DPP6: variants seen among roughly 807,000 people sequenced by gnomAD.
DPP6 encodes the protein dipeptidyl peptidase like 6, also known as A-type potassium channel modulatory protein DPP6.
A neutral mutation model predicts 122.6 loss-of-function variants in DPP6; 69 were observed. The ratio of observed to expected loss-of-function variants is 0.56; its 90% CI spans 0.46 to 0.69. The LOEUF is 0.69. Among genes scored for constraint, DPP6 ranks in the 30% least tolerant of loss-of-function variants. DPP6 has a pLI of 0.00. For synonymous variants in DPP6, 418 were observed against 433.1 expected, an observed-to-expected ratio of 0.97 and a Z score of 0.43; for missense variants, 928 against 1,116.9, an observed-to-expected ratio of 0.83 and a Z score of 2.41.
At chr7:154,452,926 A>G (rs1820513456) in intron 2 of DPP6, among the ~76,000 whole-genome samples, 1 of 152,234 alleles carries the variant, frequency 6.6e-6, no homozygotes. Flanking sequence ...CAATGTTGTC[A>G]TTCATATCTC....
chr7:153,899,317 G>T (rs1032306687), intron 1 of DPP6, among the ~76,000 whole-genome samples: 73 of 152,216 alleles, frequency 4.8e-4, no homozygotes, highest in African/African-American at 1.7e-3. Flanking sequence ...AGGAAGCTGA[G>T]CCCAGCTCCC....
chr7:154,855,325 C>G (rs1215683035), intron 17 of DPP6, among the ~76,000 whole-genome samples: 1 of 152,030 alleles, frequency 6.6e-6, no homozygotes, highest in African/African-American at 2.4e-5. Context: ...TTTTAAAGCC[C>G]CCACAAAAAG....
chr7:153,967,946 T>C (rs183338996), intron 1 of DPP6, among the ~76,000 whole-genome samples: 1 of 151,810 alleles, frequency 6.6e-6, no homozygotes, highest in Admixed American at 6.5e-5. Context: ...CCACATTTTC[T>C]TTATCCAGTT....
intron 1 of DPP6, among the ~76,000 whole-genome samples, chr7:153,952,387 T>C (rs375476514): frequency 6.6e-6 from 1 of 152,264 alleles, no homozygotes; most frequent in Non-Finnish European, 1.5e-5. Flanking sequence ...CAAAGCTATA[T>C]AGGCTGCTGA....
intron 1 of DPP6, among the ~76,000 whole-genome samples, chr7:153,946,768 C>T (rs1801968117): frequency 6.6e-6 from 1 of 152,076 alleles, no homozygotes; most frequent in Non-Finnish European, 1.5e-5. Context: ...ATGGGCACAC[C>T]AGGTGGGGAG....
At chr7:154,883,912 TCACA>T (rs1169570630) in intron 21 of DPP6, 1 of 115,222 alleles carries the variant, frequency 8.7e-6, no homozygotes, top group Non-Finnish European at 1.7e-5. Context: ...ATACACATGC[TCACA>T]CACGCTCACA....
Position 154,769,419 on chromosome 7 carries a change from G to A in DPP6, c.886G>A (p.Glu296Lys). The change falls in exon 9 of 26, where the codon GAG becomes AAG. Residue 296 changes from glutamate to lysine, a missense_variant and splice_region_variant. Glu to Lys is a moderately conservative substitution (Grantham distance 56). Coordinates refer to ENST00000377770, the MANE Select transcript of DPP6 (RefSeq NM_130797.4). ...TTCTCTACTCTGTTTTCCCTTAGAGGAGATTTTGAAGACACACATCGCACA... is the reference window on the plus strand; with the variant it reads ...TTCTCTACTCTGTTTTCCCTTAGAGAAGATTTTGAAGACACACATCGCACA... ...NGLSDWLYEE[E>K]ILKTHIAHWW... is the part of the protein sequence containing the mutation. 1 of 1,613,524 alleles carries A rather than the reference G, an allele frequency of 6.2e-7. No individual in the cohort carries two copies. Among genetic ancestry groups the A allele is most frequent in the Non-Finnish European group, 8.5e-7 (1 of 1,179,822 alleles).
intron 8 of DPP6, among the ~76,000 whole-genome samples, chr7:154,754,408 G>A (rs1388059735): frequency 6.6e-6 from 1 of 152,140 alleles, no homozygotes; most frequent in Non-Finnish European, 1.5e-5. Context: ...AATCTCAGCT[G>A]GTAGTTAAGT....
intron 1 of DPP6, among the ~76,000 whole-genome samples, chr7:154,273,225 C>A (rs1803909159): frequency 6.6e-6 from 1 of 152,114 alleles, no homozygotes; most frequent in African/African-American, 2.4e-5. Context: ...CAGCATCTGT[C>A]CTGCTAACTG....
At chr7:154,033,047 A>T (rs1183736927) in intron 1 of DPP6, among the ~76,000 whole-genome samples, 2 of 151,232 alleles carry the variant, frequency 1.3e-5, no homozygotes, top group East Asian at 3.9e-4. Context: ...GCTAAGCAAC[A>T]GTACTGCTAA....
intron 6 of DPP6, among the ~76,000 whole-genome samples, chr7:154,652,623 T>C (rs968140207): frequency 6.6e-6 from 1 of 152,150 alleles, no homozygotes; most frequent in African/African-American, 2.4e-5. Flanking sequence ...TCAGGCTGCA[T>C]GAAGCTGCTA....
intron 2 of DPP6, among the ~76,000 whole-genome samples, chr7:154,463,892 C>T (rs1403742767): frequency 2.0e-5 from 3 of 152,042 alleles, no homozygotes. Context: ...AGAGTCTCTC[C>T]TAGAGCTGCA....
chr7:153,874,859 T>A, the DPP6 span, among the ~76,000 whole-genome samples: 1 of 151,934 alleles, frequency 6.6e-6, no homozygotes, highest in African/African-American at 2.4e-5. Context: ...AGTAGAAAAA[T>A]GTAGAAAACA....
intron 1 of DPP6, among the ~76,000 whole-genome samples, chr7:154,351,813 T>C (rs1478696840): frequency 1.3e-5 from 2 of 152,070 alleles, no homozygotes; most frequent in Non-Finnish European, 1.5e-5. Context: ...TCTGGGTGTA[T>C]CATCTTTGCT....
At chr7:154,851,987 G>A (rs6971075) in intron 16 of DPP6, among the ~76,000 whole-genome samples, 31,813 of 152,052 alleles carry the variant, frequency 0.21, 3,804 homozygotes, top group African/African-American at 0.34. Flanking sequence ...CAGTCTGTGT[G>A]TCTCAGCTCA....
At chr7:154,750,826 C>T (rs1843342206) in intron 8 of DPP6, among the ~76,000 whole-genome samples, 3 of 152,064 alleles carry the variant, frequency 2.0e-5, no homozygotes, top group Admixed American at 2.0e-4. Flanking sequence ...GGCAGTGGGC[C>T]GAGGATGGCC....
chr7:154,108,148 G>C (rs558678955), intron 1 of DPP6, among the ~76,000 whole-genome samples: 16 of 152,124 alleles, frequency 1.1e-4, no homozygotes, highest in Non-Finnish European at 2.2e-4. Context: ...GGCGCCAAAG[G>C]ATGATGCGTT....
At chr7:153,836,184 C>T in the DPP6 span, among the ~76,000 whole-genome samples, 6 of 152,190 alleles carry the variant, frequency 3.9e-5, no homozygotes, top group African/African-American at 1.4e-4. Flanking sequence ...GAAAATAGGA[C>T]GTTTGCCACG....
At chr7:154,809,355 T>C (rs1360753244) in intron 16 of DPP6, among the ~76,000 whole-genome samples, 1 of 152,116 alleles carries the variant, frequency 6.6e-6, no homozygotes, top group Non-Finnish European at 1.5e-5. Flanking sequence ...CTTTAATTAT[T>C]GTCCCATTTG....
Sources: gnomAD v4.1 joint callset for allele counts (sites outside exome capture counted in the v4.1 genomes callset) on GRCh38, gnomAD v4.1.1 for gene constraint, MANE v1.5 for transcripts, NCBI Gene and HGNC (gene_info 2026-07-23, HGNC 2026-07-21) for gene names.